NBR1: variants seen among roughly 807,000 people sequenced by gnomAD.
NBR1 encodes NBR1 autophagy cargo receptor.
NBR1 carries 59 observed loss-of-function variants against 115.5 expected under a neutral mutation model. The observed-to-expected ratio is 0.51, with a 90% confidence interval of 0.41 to 0.63. The LOEUF (loss-of-function observed/expected upper bound fraction) is 0.63, where lower values mean the gene tolerates loss of function less well. NBR1 is among the 30% of genes least tolerant of loss of function. The pLI is 0.00. For synonymous variants in NBR1, 373 were observed against 414.7 expected (o/e 0.90, Z 1.22); for missense variants, 1,043 against 1,150.5 (o/e 0.91, Z 1.35).
chr17:43,194,202 C>G, intron 12 of NBR1, 148 bp from the exon 13 acceptor site: 1 of 754,854 alleles, frequency 1.3e-6, no homozygotes, highest in Non-Finnish European at 2.1e-6. Flanking sequence ...GTTTTTACAA[C>G]TTTTTCTATA....
intron 8 of NBR1, chr17:43,190,038 C>T: frequency 1.9e-6 from 1 of 539,258 alleles, no homozygotes; most frequent in Non-Finnish European, 3.3e-6. Context: ...AATTATGTTC[C>T]CCTGAACGGA....
rs999051991 is a variant in NBR1, at chr17:43,200,606, C to G, written c.2466C>G (p.Pro822=). 1 of 1,597,158 alleles carries G rather than the reference C, an allele frequency of 6.3e-7. No individual in the cohort carries two copies. Among genetic ancestry groups the G allele is most frequent in the African/African-American group, 1.3e-5 (1 of 74,662 alleles). ...PEVVELPPSL[P]RSSPCVHHHG... is the part of the protein sequence containing the mutation. ...TAGTGGAGCTTCCACCGTCACTGCCCAGGTACCACTCACAGCCCCCTCAGC... is the reference window on the plus strand; with the variant it reads ...TAGTGGAGCTTCCACCGTCACTGCCGAGGTACCACTCACAGCCCCCTCAGC... Residue 822 remains proline, a splice_region_variant and synonymous_variant, in exon 17 of 21, where the codon CCC becomes CCG. Coordinates refer to ENST00000590996, the MANE Select transcript of NBR1 (RefSeq NM_005899.5).
chr17:43,208,662 T>C (rs1351740842), intron 20 of NBR1, among the ~76,000 whole-genome samples: 4 of 152,148 alleles, frequency 2.6e-5, no homozygotes, highest in Non-Finnish European at 4.4e-5. Context: ...GTCTGTGAAA[T>C]TGGGATAATA....
intron 20 of NBR1, among the ~76,000 whole-genome samples, chr17:43,204,316 C>A (rs762376099): frequency 6.6e-6 from 1 of 152,020 alleles, no homozygotes; most frequent in Non-Finnish European, 1.5e-5. Context: ...TATTGATGAT[C>A]TATTAATATT....
At chr17:43,176,081 A>G in intron 2 of NBR1, 180 bp downstream of exon 2, 1 of 459,334 alleles carries the variant, frequency 2.2e-6, no homozygotes, top group South Asian at 4.7e-5. Flanking sequence ...TGCCCCAATA[A>G]AGGGAACCAA....
At chr17:43,175,759 T>C (rs2056498801) in intron 1 of NBR1, 32 bp from the exon 2 acceptor site, 1 of 1,059,194 alleles carries the variant, frequency 9.4e-7, no homozygotes, top group Non-Finnish European at 1.4e-6. Flanking sequence ...AATGTGTTTT[T>C]CTCTCTCTCC....
intron 1 of NBR1, among the ~76,000 whole-genome samples, chr17:43,173,916 G>C (rs2056441890): frequency 7.5e-6 from 1 of 133,806 alleles, no homozygotes; most frequent in African/African-American, 2.8e-5. Flanking sequence ...TTCATATCTT[G>C]TTCCTCTCAA....
At chr17:43,203,588 G>A (rs564023747) in intron 19 of NBR1, 93 bp from the exon 20 acceptor site, 163 of 723,716 alleles carry the variant, frequency 2.3e-4, no homozygotes, top group Non-Finnish European at 3.6e-4. Flanking sequence ...TTCTCTTAAG[G>A]AAATCTTATT....
At chr17:43,170,746 G>A (rs2056331781), upstream of NBR1, 2 of 152,330 alleles carry the variant, frequency 1.3e-5, no homozygotes, top group African/African-American at 2.4e-5. Flanking sequence ...TACCAAAGCG[G>A]GCACAATTCT....
chr17:43,190,580 T>C (rs971583874), intron 8 of NBR1, 29 bp from the exon 9 acceptor site: 1 of 1,554,308 alleles, frequency 6.4e-7, no homozygotes, highest in Non-Finnish European at 8.7e-7. Flanking sequence ...TATTCTGCCA[T>C]TGTGTATTGT....
rs1351165623 is a variant in NBR1 at position 43,200,268 on chromosome 17, G to T, written c.2128G>T (p.Asp710Tyr). The T allele has an allele frequency of 5.2e-6, 8 of 1,551,490 alleles. No individual in the cohort carries two copies. Among genetic ancestry groups the T allele is most frequent in the Middle Eastern group, 1.7e-4 (1 of 6,016 alleles). Residue 710 changes from aspartate to tyrosine, a missense_variant, in exon 17 of 21, where the codon GAT (aspartate) becomes TAT (tyrosine). Coordinates refer to ENST00000590996, the MANE Select transcript of NBR1 (RefSeq NM_005899.5). ...AVMEEEEDEE[D>Y]EEEEDELKDE... is the part of the protein sequence containing the mutation. ...CATGGAGGAGGAGGAGGATGAGGAG[G>T]ATGAGGAGGAGGAGGATGAGCTCAA...
intron 6 of NBR1, among the ~76,000 whole-genome samples, chr17:43,186,889 T>C (rs2056816513): frequency 6.6e-6 from 1 of 152,260 alleles, no homozygotes; most frequent in Non-Finnish European, 1.5e-5. Flanking sequence ...ATGGTGTACA[T>C]GTGCCACATT....
intron 4 of NBR1, among the ~76,000 whole-genome samples, chr17:43,180,307 A>G (rs757525577): frequency 1.3e-5 from 2 of 152,218 alleles, no homozygotes; most frequent in Non-Finnish European, 2.9e-5. Context: ...GGTATAACCT[A>G]TTGCTTATAG....
In NBR1 at chr17:43,203,782, C is replaced by T. The variant is rs1012918050; in HGVS notation, c.2723C>T (p.Ala908Val). 3 of 1,579,908 alleles carry T rather than the reference C, an allele frequency of 1.9e-6. No individual in the cohort carries two copies. In the African/African-American group the frequency reaches 4.0e-5, roughly 21 times the overall value. ...CTGTTTGCTGGGCCACCAGTCACTG[C>T]ACAGGTCAGTGTGTGTGTTTTATTT... ...KALFAGPPVT[A>V]QPIISEDQTA... Residue 908 changes from alanine to valine, a missense_variant, in exon 20 of 21, where the codon GCA becomes GTA. Coordinates refer to ENST00000590996, the MANE Select transcript of NBR1 (RefSeq NM_005899.5).
intron 3 of NBR1, among the ~76,000 whole-genome samples, chr17:43,178,768 CTTT>C (rs770102583): frequency 5.5e-5 from 7 of 127,160 alleles, no homozygotes; most frequent in Admixed American, 8.2e-5. Flanking sequence ...AATGGCTAAG[CTTT>C]TTTTTTTTTT....
At chr17:43,188,272 T>C (rs948320224) in intron 6 of NBR1, among the ~76,000 whole-genome samples, 1 of 152,230 alleles carries the variant, frequency 6.6e-6, no homozygotes, top group African/African-American at 2.4e-5. Flanking sequence ...CTTTTGAGAA[T>C]TGTCTGTTCA....
chr17:43,197,425 A>G (rs950631768), intron 16 of NBR1, among the ~76,000 whole-genome samples: 3 of 151,912 alleles, frequency 2.0e-5, no homozygotes, highest in African/African-American at 7.3e-5. Flanking sequence ...AGGCTGAGGC[A>G]GGAGAATGGC....
intron 18 of NBR1, 118 bp from the exon 19 acceptor site, chr17:43,202,537 A>AAT: frequency 3.2e-6 from 2 of 629,146 alleles, no homozygotes; most frequent in Non-Finnish European, 5.3e-6. Flanking sequence ...AAAAAAAAAA[A>AAT]AAGACTTCAA....
chr17:43,194,760 A>C, intron 13 of NBR1: 1 of 621,360 alleles, frequency 1.6e-6, no homozygotes, highest in Non-Finnish European at 2.8e-6. Flanking sequence ...ATTCTCCTTC[A>C]TACCTGCTGC....
Sources: allele counts gnomAD v4.1 joint callset (sites outside exome capture counted in the v4.1 genomes callset), GRCh38; gene constraint gnomAD v4.1.1; transcripts MANE v1.5; gene names NCBI Gene and HGNC (gene_info 2026-07-23, HGNC 2026-07-21).